The following CCDC39 variants were observed in gnomAD, a reference collection of about 807,000 sequenced individuals.
CCDC39 encodes the protein coiled-coil domain-containing protein 39.
Under a neutral mutation model 121.0 loss-of-function variants are expected in CCDC39, and 113 were observed. That is an observed-to-expected ratio of 0.93 (90% CI 0.80 to 1.09). CCDC39 has a LOEUF of 1.09. CCDC39 is among the 50% of genes least tolerant of loss of function. CCDC39 has a pLI of 0.00. For synonymous variants in CCDC39, 349 were observed against 352.2 expected, an observed-to-expected ratio of 0.99 and a Z score of 0.10; for missense variants, 1,063 against 1,074.7, an observed-to-expected ratio of 0.99 and a Z score of 0.15.
At position 180,644,151 on chromosome 3, in the gene CCDC39, T is replaced by C. The variant is rs1332387536; in HGVS notation, c.1634A>G (p.Lys545Arg). Residue 545 changes from lysine (K) to arginine (R), a missense_variant, in exon 12 of 20, where the codon AAA (lysine) becomes AGA (arginine). Coordinates refer to ENST00000476379, the MANE Select transcript of CCDC39 (RefSeq NM_181426.2). Reference protein sequence around the residue: ...ELNLFIDRSEKELDKAKGFKQ... With the variant: ...ELNLFIDRSERELDKAKGFKQ... The stretch of plus-strand genomic sequence containing the variant: ...AAAACCTTTGGCTTTATCAAGTTCT[T>C]TCTCTGATCTGTCGATGAAAAGGTT... The C allele has an allele frequency of 6.5e-7, 1 of 1,545,622 alleles. No individual in the cohort carries two copies.
intron 14 of CCDC39, among the ~76,000 whole-genome samples, chr3:180,627,993 G>T (rs1717604003): frequency 6.6e-6 from 1 of 152,154 alleles, no homozygotes; most frequent in Admixed American, 6.5e-5. Context: ...TTTGGACAGA[G>T]GGAAAACTGT....
intron 14 of CCDC39, among the ~76,000 whole-genome samples, chr3:180,630,703 T>G (rs969281123): frequency 6.6e-6 from 1 of 152,174 alleles, no homozygotes; most frequent in African/African-American, 2.4e-5. Flanking sequence ...GCTTAGAGAA[T>G]AGCATTCAAT....
chr3:180,621,255 G>C (rs1192844253), intron 14 of CCDC39, among the ~76,000 whole-genome samples: 2 of 152,032 alleles, frequency 1.3e-5, no homozygotes, highest in Non-Finnish European at 2.9e-5. Flanking sequence ...TTGATTTAAT[G>C]ATTTCTATTC....
At chr3:180,667,948 C>T (rs1417127881) in intron 1 of CCDC39, among the ~76,000 whole-genome samples, 2 of 152,168 alleles carry the variant, frequency 1.3e-5, no homozygotes, top group African/African-American at 4.8e-5. Flanking sequence ...TGGGTCTAGA[C>T]TCCAGAGGCA....
intron 12 of CCDC39, among the ~76,000 whole-genome samples, chr3:180,643,046 A>ACCT (rs1717994329): frequency 6.7e-6 from 1 of 150,126 alleles, no homozygotes; most frequent in Admixed American, 6.7e-5. Flanking sequence ...TGCAAGCCCC[A>ACCT]CCTCCTGGGT....
In CCDC39 at chr3:180,645,662, G is replaced by A. The variant is rs111355314; in HGVS notation, c.1528-1405C>T. Reference sequence around the variant, plus strand: ...AAACTATTTTCTGTATGTAAAATGAGATGGAGTGGCATGTGAGAGGGCATA... The same window carrying A: ...AAACTATTTTCTGTATGTAAAATGAAATGGAGTGGCATGTGAGAGGGCATA... On this transcript the variant is annotated intron_variant, in intron 11 of 19. Transcript: ENST00000476379. Among the ~76,000 whole-genome samples the A allele has an allele frequency of 6.0e-3, 921 of 152,248 alleles. 17 individuals are homozygous for A. The highest frequency in any genetic ancestry group is 0.02 in the African/African-American group (839 of 41,568).
chr3:180,658,315 G>C (rs1711638452), intron 6 of CCDC39, among the ~76,000 whole-genome samples: 1 of 150,788 alleles, frequency 6.6e-6, no homozygotes. Context: ...GAGAACCTCT[G>C]CCAGGCGCGG....
rs1042071936 is a variant in CCDC39, at chr3:180,628,204, A to G, written c.1998+3265T>C. Among the ~76,000 whole-genome samples, 7 of 152,240 alleles carry G rather than the reference A, an allele frequency of 4.6e-5. 1 individual carries two copies. In the East Asian group the frequency reaches 9.6e-4, roughly 21 times the overall value. ...TCTTGGACTTCTAGACTCCAGATGTATCAGATATATATTTCCTTTTTTTTG... is the reference window on the plus strand; with the variant it reads ...TCTTGGACTTCTAGACTCCAGATGTGTCAGATATATATTTCCTTTTTTTTG... On this transcript the variant is annotated intron_variant, in intron 14 of 19. Coordinates refer to ENST00000476379, the MANE Select transcript of CCDC39 (RefSeq NM_181426.2).
At chr3:180,617,511 G>A in intron 16 of CCDC39, 2 of 667,534 alleles carry the variant, frequency 3.0e-6, no homozygotes, top group Non-Finnish European at 5.5e-6. Flanking sequence ...AGACCTTCAA[G>A]TGGGACAAGA....
intron 9 of CCDC39, among the ~76,000 whole-genome samples, chr3:180,648,890 T>G (rs1718135708): frequency 6.6e-6 from 1 of 152,126 alleles, no homozygotes; most frequent in Non-Finnish European, 1.5e-5. Context: ...GCTACTAACA[T>G]GATTCCACTA....
intron 16 of CCDC39, chr3:180,617,808 T>A (rs1717303832): frequency 4.2e-6 from 1 of 239,484 alleles, no homozygotes; most frequent in Non-Finnish European, 7.9e-6. Flanking sequence ...AGAAATAAAA[T>A]TATTTTTATG....
intron 14 of CCDC39, among the ~76,000 whole-genome samples, chr3:180,621,711 T>C (rs1717437085): frequency 1.3e-5 from 2 of 152,110 alleles, no homozygotes; most frequent in Admixed American, 1.3e-4. Flanking sequence ...GTGTATGTTC[T>C]TGTCAGTTTT....
chr3:180,623,286 A>G (rs1016546539), intron 14 of CCDC39, among the ~76,000 whole-genome samples: 1 of 151,566 alleles, frequency 6.6e-6, no homozygotes, highest in African/African-American at 2.4e-5. Context: ...GATCTTTCAT[A>G]TTTCTGTAGT....
Position 180,643,858 on chromosome 3 carries a change from T to C in CCDC39, c.1665+262A>G, listed in dbSNP as rs145872855. On this transcript the variant is annotated intron_variant, in intron 12 of 19. Coordinates refer to ENST00000476379, the MANE Select transcript of CCDC39 (RefSeq NM_181426.2). Reference sequence around the variant, plus strand: ...ATGGTAATTTCATGCAATGGACTTATAGAAAGCCTTCAAAAATGTTTTTGA... The same window carrying C: ...ATGGTAATTTCATGCAATGGACTTACAGAAAGCCTTCAAAAATGTTTTTGA... Among the ~76,000 whole-genome samples, 259 of 152,262 alleles carry C rather than the reference T, an allele frequency of 1.7e-3. 1 individual carries two copies. The highest frequency in any genetic ancestry group is 6.0e-3 in the African/African-American group (248 of 41,556).
intron 13 of CCDC39, among the ~76,000 whole-genome samples, chr3:180,633,147 A>T (rs1231065610): frequency 1.3e-5 from 2 of 152,218 alleles, no homozygotes. Flanking sequence ...ACGAGCCTAC[A>T]ATCAGCCCTC....
Position 180,625,363 on chromosome 3 carries a change from T to A in CCDC39, c.1999-5393A>T, listed in dbSNP as rs367790527. Among the ~76,000 whole-genome samples, 1,051 of 151,508 alleles carry A rather than the reference T, an allele frequency of 6.9e-3. 23 individuals are homozygous for A. The highest frequency in any genetic ancestry group is 0.023 in the African/African-American group (960 of 41,338). ...GTCTATTTTTCTTTTTTTTTTTTTT[T>A]AAGATATCTCCTTGGTGAATTTTTT... is the stretch of plus-strand genomic sequence containing the variant. On this transcript the variant is annotated intron_variant, in intron 14 of 19. Coordinates refer to ENST00000476379, the MANE Select transcript of CCDC39 (RefSeq NM_181426.2).
rs1576940115 is a variant in CCDC39 at position 180,638,091 on chromosome 3, A to T, written c.1874+3902T>A. 3.3e-5 allele frequency among the ~76,000 whole-genome samples: 5 copies of T among 152,282 alleles called. No individual in the cohort carries two copies. In the South Asian group the frequency reaches 8.3e-4, roughly 25 times the overall value. On this transcript the variant is annotated intron_variant, in intron 13 of 19. Coordinates refer to ENST00000476379, the MANE Select transcript of CCDC39 (RefSeq NM_181426.2). The stretch of plus-strand genomic sequence containing the variant: ...CTGAACCAAAGATAAAAAAATTTTT[A>T]AAACTGAAAGAGCTCCAGGAAGGGT...
chr3:180,632,781 C>T (rs1304779689), intron 13 of CCDC39, among the ~76,000 whole-genome samples: 1 of 151,978 alleles, frequency 6.6e-6, no homozygotes, highest in Non-Finnish European at 1.5e-5. Context: ...CATTTTCCAC[C>T]AAAGAAGTCT....
intron 13 of CCDC39, among the ~76,000 whole-genome samples, chr3:180,635,392 C>T (rs1488451176): frequency 6.6e-6 from 1 of 152,058 alleles, no homozygotes; most frequent in East Asian, 1.9e-4. Context: ...TAGCTCACTC[C>T]AGCATTAACT....
Sources: allele counts gnomAD v4.1 joint callset (sites outside exome capture counted in the v4.1 genomes callset), GRCh38; gene constraint gnomAD v4.1.1; transcripts MANE v1.5; gene names NCBI Gene and HGNC (gene_info 2026-07-23, HGNC 2026-07-21).